Variants in DIXDC1 observed in about 807,000 individuals in gnomAD.
DIXDC1 encodes the protein DIX domain containing 1, also known as dixin.
DIXDC1 carries 64 observed loss-of-function variants against 103.1 expected under a neutral mutation model. The observed-to-expected ratio is 0.62, with a 90% CI of 0.51 to 0.76. DIXDC1 has a LOEUF of 0.76. Among genes scored for constraint, DIXDC1 ranks in the 30% least tolerant of loss-of-function variants. The pLI is 0.00. For synonymous variants in DIXDC1, 266 were observed against 298.5 expected (o/e 0.89, Z 1.12); for missense variants, 759 against 834.2 (o/e 0.91, Z 1.11).
At chr11:112,018,321 GAGTA>G (rs1345458565) in intron 19 of DIXDC1, among the ~76,000 whole-genome samples, 6 of 152,308 alleles carry the variant, frequency 3.9e-5, no homozygotes, top group Admixed American at 2.6e-4. Context: ...CCAACTCCTT[GAGTA>G]AGTATTTTCT....
Position 111,977,974 on chromosome 11 carries a change from G to T in DIXDC1, c.657-2763G>T, listed in dbSNP as rs781913110. On this transcript the variant is annotated intron_variant, in intron 5 of 19. Transcript: ENST00000440460. The surrounding 1 kb of genome is among the most constrained non-coding windows in gnomAD (Gnocchi z 6.1). ...TGGGCGTAGGAAGTGGAGCCAGCATGGGGGGAGGATGAGTAGCCCTTGCGC... is the reference window on the plus strand; with the variant it reads ...TGGGCGTAGGAAGTGGAGCCAGCATTGGGGGAGGATGAGTAGCCCTTGCGC... Among the ~76,000 whole-genome samples, 2 of 152,132 alleles carry T rather than the reference G, an allele frequency of 1.3e-5. No individual in the cohort carries two copies. Among genetic ancestry groups the T allele is most frequent in the African/African-American group, 4.8e-5 (2 of 41,412 alleles).
chr11:111,966,528 T>C, intron 2 of DIXDC1, among the ~76,000 whole-genome samples: 1 of 149,424 alleles, frequency 6.7e-6, no homozygotes, highest in Non-Finnish European at 1.5e-5. Context: ...CTCAGCCTCC[T>C]GAGTAGCTGG....
At chr11:111,990,762 A>C (rs587754430) in intron 10 of DIXDC1, among the ~76,000 whole-genome samples, 1 of 152,048 alleles carries the variant, frequency 6.6e-6, no homozygotes, top group African/African-American at 2.4e-5. Flanking sequence ...GCTGGAGTGC[A>C]ATGGTATGAT....
chr11:112,001,754 AT>A (rs587718870), intron 17 of DIXDC1, among the ~76,000 whole-genome samples: 1,987 of 134,078 alleles, frequency 0.015, 19 homozygotes, highest in African/African-American at 0.041. Context: ...TTCAGCTGAG[AT>A]TTTTTTTTTT....
At chr11:111,949,488 A>G (rs1966704982) in intron 1 of DIXDC1, among the ~76,000 whole-genome samples, 1 of 152,166 alleles carries the variant, frequency 6.6e-6, no homozygotes, top group Non-Finnish European at 1.5e-5. Context: ...TCCTTTGCTC[A>G]CTGGTGCTGC....
At chr11:111,995,624 A>G in intron 16 of DIXDC1, 60 bp downstream of exon 16, 1 of 1,595,822 alleles carries the variant, frequency 6.3e-7, no homozygotes, top group Non-Finnish European at 8.5e-7. Context: ...GGGTTTTAAG[A>G]ATTTTAATTG....
intron 2 of DIXDC1, among the ~76,000 whole-genome samples, chr11:111,967,568 G>T (rs1859779278): frequency 6.6e-6 from 1 of 152,066 alleles, no homozygotes; most frequent in South Asian, 2.1e-4. Context: ...TCTCTCCATA[G>T]TCTATTTCCA....
chr11:112,013,593 G>C (rs1376958924), intron 17 of DIXDC1, among the ~76,000 whole-genome samples: 3 of 152,118 alleles, frequency 2.0e-5, no homozygotes, highest in Non-Finnish European at 4.4e-5. Flanking sequence ...GTCTTCCCAG[G>C]TTGTAAATCT....
chr11:111,992,286 T>G, intron 10 of DIXDC1, 129 bp from the exon 11 acceptor site: 1 of 806,884 alleles, frequency 1.2e-6, no homozygotes, highest in African/African-American at 1.7e-5. Context: ...GGCAAGACCC[T>G]TTACCCCATT....
At position 111,993,666 on chromosome 11, in the gene DIXDC1, C is replaced by T. The variant is rs1292084390; in HGVS notation, c.1366-3C>T. 4.3e-6 allele frequency: 7 copies of T among 1,613,924 alleles called. No homozygotes were observed. The African/African-American group carries it at 9.3e-5, about 22-fold the overall frequency. ...ATTTTCTGATTTAGTGTCTATTTTG[C>T]AGGTGGATCTAGAGCGAGAGCTAGA... is the stretch of plus-strand genomic sequence containing the variant. On this transcript the variant is annotated splice_polypyrimidine_tract_variant and splice_region_variant and intron_variant, in intron 13 of 19. Coordinates refer to ENST00000440460, the MANE Select transcript of DIXDC1 (RefSeq NM_001037954.4).
At position 111,977,350 on chromosome 11, in the gene DIXDC1, G is replaced by A. The variant is rs1592587083; in HGVS notation, c.656+2367G>A. ...GGAGTGGGATCGCCGCTGGGGACTC[G>A]AGGCGCAGCCTGCGCCGCCGGGAGC... On this transcript the variant is annotated intron_variant, in intron 5 of 19. Coordinates refer to ENST00000440460, the MANE Select transcript of DIXDC1 (RefSeq NM_001037954.4). The surrounding 1 kb of genome is among the most constrained non-coding windows in gnomAD (Gnocchi z 6.1). 1 of 1,066,026 alleles carries A rather than the reference G, an allele frequency of 9.4e-7. No homozygotes were observed. Among genetic ancestry groups the A allele is most frequent in the East Asian group, 1.0e-4 (1 of 9,680 alleles). The allele number at this position is 1,066,026 out of a possible 1,614,324, so 66.0% of individuals were successfully genotyped here.
chr11:111,953,020 GC>G (rs1966845136), intron 1 of DIXDC1, among the ~76,000 whole-genome samples: 1 of 151,940 alleles, frequency 6.6e-6, no homozygotes, highest in Non-Finnish European at 1.5e-5. Context: ...AACAAATGGG[GC>G]AGATTTCTAT....
intron 1 of DIXDC1, among the ~76,000 whole-genome samples, chr11:111,964,260 G>C (rs1859658083): frequency 1.3e-5 from 2 of 152,242 alleles, no homozygotes; most frequent in Non-Finnish European, 2.9e-5. Context: ...CTTGAGGAAA[G>C]CAAGAGTCAT....
At chr11:112,004,965 A>G (rs1210959350) in intron 17 of DIXDC1, among the ~76,000 whole-genome samples, 7 of 152,040 alleles carry the variant, frequency 4.6e-5, no homozygotes, top group Admixed American at 1.3e-4. Flanking sequence ...TCAATAAGAA[A>G]TTATGAGGCA....
chr11:111,932,093 C>T lies in DIXDC1; in HGVS notation c.57+2183C>T, dbSNP rs185732440. ...GTTCCCAGGCTGGAGTGCAGTGGCA[C>T]GATCTCAGCTCACTGCAACCTCTGC... On this transcript the variant is annotated intron_variant, in intron 2 of 5. Coordinates refer to the DIXDC1 transcript ENST00000529225. Among the ~76,000 whole-genome samples, 7 of 146,206 alleles carry T rather than the reference C, an allele frequency of 4.8e-5. No individual in the cohort carries two copies. The East Asian group carries it at 6.1e-4, about 13-fold the overall frequency.
At chr11:111,999,461 A>T (rs1296060808) in intron 17 of DIXDC1, among the ~76,000 whole-genome samples, 1 of 152,250 alleles carries the variant, frequency 6.6e-6, no homozygotes, top group Non-Finnish European at 1.5e-5. Flanking sequence ...CTTAAATGTA[A>T]GAGCTTAAAG....
At chr11:111,980,648 T>C in intron 5 of DIXDC1, 89 bp from the exon 6 acceptor site, 1 of 999,434 alleles carries the variant, frequency 1.0e-6, no homozygotes. Flanking sequence ...AATAAGAACA[T>C]GTCCCTGTTC....
intron 1 of DIXDC1, among the ~76,000 whole-genome samples, chr11:111,950,423 TA>T (rs2137468433): frequency 4.7e-5 from 1 of 21,104 alleles, no homozygotes; most frequent in African/African-American, 2.9e-4. Flanking sequence ...TATATATATA[TA>T]TATATATATA....
chr11:111,945,016 A>G (rs1376237625), intron 1 of DIXDC1, among the ~76,000 whole-genome samples: 5 of 152,216 alleles, frequency 3.3e-5, no homozygotes, highest in African/African-American at 7.2e-5. Flanking sequence ...CAAAAACCCA[A>G]CTTGAACTAG....
Sources: gnomAD v4.1 joint callset for allele counts (sites outside exome capture counted in the v4.1 genomes callset) on GRCh38, gnomAD v4.1.1 for gene constraint, Gnocchi (gnomAD v3.1) non-coding constraint, MANE v1.5 for transcripts, NCBI Gene and HGNC (gene_info 2026-07-23, HGNC 2026-07-21) for gene names.